The following CLHC1 variants were observed in gnomAD, a reference collection of about 807,000 sequenced individuals.
The protein encoded by CLHC1 is clathrin heavy chain linker domain containing 1.
In CLHC1, 72 loss-of-function variants were observed where a neutral mutation model predicts 69.5. The ratio of observed to expected loss-of-function variants is 1.04; its 90% CI spans 0.86 to 1.26. CLHC1 has a LOEUF of 1.26. CLHC1 is among the 50% of genes most tolerant of loss of function. CLHC1 has a pLI of 0.00. For synonymous variants in CLHC1, 223 were observed against 224.3 expected, an observed-to-expected ratio of 0.99 and a Z score of 0.05; for missense variants, 790 against 679.3, an observed-to-expected ratio of 1.16 and a Z score of -1.81.
chr2:55,201,124 C>T (rs1296528061), intron 9 of CLHC1, among the ~76,000 whole-genome samples: 1 of 151,104 alleles, frequency 6.6e-6, no homozygotes, highest in Non-Finnish European at 1.5e-5. Flanking sequence ...TCTTAAAGAA[C>T]TAGAAAAGCA....
At position 55,222,416 on chromosome 2, in the gene CLHC1, G is replaced by T; in HGVS notation, c.-5C>A. 1 of 1,611,788 alleles carries T rather than the reference G, an allele frequency of 6.2e-7. No individual in the cohort carries two copies. The highest frequency in any genetic ancestry group is 1.1e-5 in the South Asian group (1 of 90,810). ...TCTTATTTGATGAACTGACATATTTGACAATCTGCACACTTGTTCACTGAA... is the reference window on the plus strand; with the variant it reads ...TCTTATTTGATGAACTGACATATTTTACAATCTGCACACTTGTTCACTGAA... On this transcript the variant is annotated 5_prime_UTR_variant, in exon 3 of 13. Coordinates refer to ENST00000401408, the MANE Select transcript of CLHC1 (RefSeq NM_152385.4).
At chr2:55,195,287 T>G (rs1671303950) in intron 9 of CLHC1, among the ~76,000 whole-genome samples, 2 of 152,228 alleles carry the variant, frequency 1.3e-5, no homozygotes, top group African/African-American at 4.8e-5. Flanking sequence ...ATGTACTATT[T>G]GTGTTTCTGT....
intron 9 of CLHC1, among the ~76,000 whole-genome samples, chr2:55,197,228 G>C (rs1671511120): frequency 6.6e-6 from 1 of 152,158 alleles, no homozygotes; most frequent in African/African-American, 2.4e-5. Context: ...TCTAAACCCT[G>C]GCTCCTGATG....
At chr2:55,227,328 T>G (rs1674799808) in intron 2 of CLHC1, among the ~76,000 whole-genome samples, 1 of 151,374 alleles carries the variant, frequency 6.6e-6, no homozygotes, top group African/African-American at 2.5e-5. Context: ...ATAAGGTCCC[T>G]GGCTCCTTGA....
intron 9 of CLHC1, among the ~76,000 whole-genome samples, chr2:55,201,456 A>C (rs187483104): frequency 1.3e-5 from 2 of 152,186 alleles, no homozygotes; most frequent in Non-Finnish European, 2.9e-5. Flanking sequence ...ACAACCCACC[A>C]ATATTGAACC....
intron 9 of CLHC1, among the ~76,000 whole-genome samples, chr2:55,202,413 G>A (rs766755755): frequency 2.0e-4 from 31 of 151,670 alleles, no homozygotes; most frequent in African/African-American, 4.4e-4. Context: ...AAAATTAGCC[G>A]GGCCTGGTGG....
chr2:55,229,996 C>T (rs1046120162), intron 1 of CLHC1, among the ~76,000 whole-genome samples: 1 of 152,182 alleles, frequency 6.6e-6, no homozygotes, highest in African/African-American at 2.4e-5. Context: ...TCACCTAACC[C>T]GGGAAGCAGA....
At position 55,202,127 on chromosome 2, in the gene CLHC1, C is replaced by G. The variant is rs1671999942; in HGVS notation, c.1006+4143G>C. On this transcript the variant is annotated intron_variant, in intron 9 of 12. Coordinates refer to ENST00000401408, the MANE Select transcript of CLHC1 (RefSeq NM_152385.4). ...ACAACAAAGATGCCCACTTTCACCA[C>G]TGGTATTCAACACAGTACTGGAAGT... 1.3e-5 allele frequency among the ~76,000 whole-genome samples: 2 copies of G among 151,872 alleles called. 1 individual carries two copies. Among genetic ancestry groups the G allele is most frequent in the South Asian group, 4.1e-4 (2 of 4,820 alleles).
intron 3 of CLHC1, among the ~76,000 whole-genome samples, chr2:55,219,570 TTTTA>T (rs971632504): frequency 6.6e-6 from 1 of 152,198 alleles, no homozygotes; most frequent in South Asian, 2.1e-4. Context: ...TTATTCATGG[TTTTA>T]TTTATTTATT....
chr2:55,195,767 C>A (rs557381667), intron 9 of CLHC1, among the ~76,000 whole-genome samples: 1 of 152,280 alleles, frequency 6.6e-6, no homozygotes, highest in Non-Finnish European at 1.5e-5. Context: ...CCACTGCACT[C>A]CAGCCTGGGT....
chr2:55,191,814 G>A (rs745324050), intron 9 of CLHC1, among the ~76,000 whole-genome samples: 1 of 151,852 alleles, frequency 6.6e-6, no homozygotes, highest in Non-Finnish European at 1.5e-5. Flanking sequence ...AAAAAGAAGA[G>A]ATAAGAGAAA....
intron 9 of CLHC1, among the ~76,000 whole-genome samples, chr2:55,204,557 A>G (rs1354527473): frequency 1.3e-5 from 2 of 152,200 alleles, no homozygotes; most frequent in Non-Finnish European, 2.9e-5. Flanking sequence ...AACACTTTGG[A>G]GGTTCCTCAA....
chr2:55,203,579 A>G (rs189197288), intron 9 of CLHC1, among the ~76,000 whole-genome samples: 85 of 152,306 alleles, frequency 5.6e-4, no homozygotes, highest in Middle Eastern at 3.4e-3. Context: ...TCTCTTCAGT[A>G]AATGGTGCTG....
At chr2:55,222,636 G>GC in intron 2 of CLHC1, 143 bp from the exon 3 acceptor site, 1 of 371,534 alleles carries the variant, frequency 2.7e-6, no homozygotes, top group Non-Finnish European at 4.8e-6. Flanking sequence ...AAAGGTCTAT[G>GC]CTGCCAAGCG....
At chr2:55,230,910 T>A (rs955084960) in intron 1 of CLHC1, among the ~76,000 whole-genome samples, 12 of 152,192 alleles carry the variant, frequency 7.9e-5, no homozygotes, top group African/African-American at 2.9e-4. Context: ...CAAGCAACTC[T>A]AGGAAATTTT....
rs1669340883 is a variant in CLHC1, at chr2:55,175,882, C to G, written c.1669G>C (p.Asp557His). The G allele has an allele frequency of 6.2e-7, 1 of 1,613,910 alleles. No individual in the cohort carries two copies. The highest frequency in any genetic ancestry group is 8.5e-7 in the Non-Finnish European group (1 of 1,179,910). Reference protein sequence around the residue: ...SQNGFDKLSNDITSILRSQAA... With the variant: ...SQNGFDKLSNHITSILRSQAA... Reference sequence around the variant, plus strand: ...TGAGATCGAAGAATAGACGTGATGTCATTAGATAATTTGTCAAAGCCATTC... The same window carrying G: ...TGAGATCGAAGAATAGACGTGATGTGATTAGATAATTTGTCAAAGCCATTC... The change falls in exon 13 of 13, where the codon GAC becomes CAC. Residue 557 changes from aspartate (D) to histidine (H), a missense_variant. Coordinates refer to ENST00000401408, the MANE Select transcript of CLHC1 (RefSeq NM_152385.4).
chr2:55,178,278 T>G lies in CLHC1; in HGVS notation c.1385-497A>C, dbSNP rs147892017. On this transcript the variant is annotated intron_variant, in intron 11 of 12. Coordinates refer to ENST00000401408, the MANE Select transcript of CLHC1 (RefSeq NM_152385.4). ...TGCACAGAAAAAGCAACTCAGTAAT[T>G]TTTTTCCTAAAACTATCAAGCATTT... Among the ~76,000 whole-genome samples, 282 of 152,268 alleles carry G rather than the reference T, an allele frequency of 1.9e-3. 2 individuals carry two copies. Among genetic ancestry groups the G allele is most frequent in the African/African-American group, 6.5e-3 (270 of 41,556 alleles).
chr2:55,226,191 CAA>C (rs11325087), intron 2 of CLHC1, among the ~76,000 whole-genome samples: 77 of 131,400 alleles, frequency 5.9e-4, no homozygotes, highest in South Asian at 9.8e-4. Context: ...GACTCCATTT[CAA>C]AAAAAAAAAA....
intron 9 of CLHC1, among the ~76,000 whole-genome samples, chr2:55,197,043 A>G (rs1443167013): frequency 1.3e-5 from 2 of 152,094 alleles, no homozygotes; most frequent in Non-Finnish European, 2.9e-5. Context: ...TTGACTGAAC[A>G]TTGGTGGTAG....
Sources: gnomAD v4.1 joint callset for allele counts (sites outside exome capture counted in the v4.1 genomes callset) on GRCh38, gnomAD v4.1.1 for gene constraint, MANE v1.5 for transcripts, NCBI Gene and HGNC (gene_info 2026-07-23, HGNC 2026-07-21) for gene names.